EPC2: variants seen among roughly 807,000 people sequenced by gnomAD.
The protein encoded by EPC2 is enhancer of polycomb homolog 2.
A neutral mutation model predicts 92.1 loss-of-function variants in EPC2; 14 were observed. The ratio of observed to expected loss-of-function variants is 0.15; its 90% CI spans 0.10 to 0.24. The LOEUF is 0.24. Among genes scored for constraint, EPC2 ranks in the 10% least tolerant of loss-of-function variants. The pLI is 1.00. For missense variants in EPC2, 755 were observed against 971.5 expected (o/e 0.78, Z 2.96); for synonymous variants, 340 against 334.7 (o/e 1.02, Z -0.17).
At chr2:148,709,505 A>G (rs141610167) in intron 2 of EPC2, among the ~76,000 whole-genome samples, 3,553 of 152,346 alleles carry the variant, frequency 0.023, 48 homozygotes, top group East Asian at 0.032. Flanking sequence ...TTTAAAGTTC[A>G]TATGGAACCA....
At chr2:148,714,408 A>G (rs536031374) in intron 2 of EPC2, among the ~76,000 whole-genome samples, 5 of 152,266 alleles carry the variant, frequency 3.3e-5, no homozygotes, top group Admixed American at 3.3e-4. Flanking sequence ...AATGATTTAT[A>G]TTCCTTTGGG....
Position 148,645,156 on chromosome 2 carries a change from A to G in EPC2, c.139A>G (p.Lys47Glu), listed in dbSNP as rs774648253. Residue 47 changes from lysine (K) to glutamate (E), a missense_variant, in exon 1 of 14, where the codon AAG (lysine) becomes GAG (glutamate). Lys to Glu is a moderately conservative substitution (Grantham distance 56). Transcript: ENST00000258484. ...AVPQMPTGME[K>E]EEESEHHLQR... Reference sequence around the variant, plus strand: ...GCCCCAGATGCCCACCGGGATGGAGAAGGAGGAGGAATCGGTAGGGACTCG... The same window carrying G: ...GCCCCAGATGCCCACCGGGATGGAGGAGGAGGAGGAATCGGTAGGGACTCG... 6.8e-6 allele frequency: 11 copies of G among 1,608,420 alleles called. No individual in the cohort carries two copies. Among genetic ancestry groups the G allele is most frequent in the East Asian group, 2.2e-5 (1 of 44,512 alleles).
At chr2:148,767,040 G>A (rs1002547494) in intron 7 of EPC2, among the ~76,000 whole-genome samples, 8 of 151,770 alleles carry the variant, frequency 5.3e-5, no homozygotes, top group African/African-American at 1.9e-4. Flanking sequence ...AGAAACAAAC[G>A]TAGAAAAATT....
At chr2:148,677,407 G>T (rs759693844) in intron 1 of EPC2, among the ~76,000 whole-genome samples, 2 of 152,162 alleles carry the variant, frequency 1.3e-5, no homozygotes, top group East Asian at 3.9e-4. Context: ...CAGCATGCTG[G>T]CTCATGCTTG....
At chr2:148,743,580 A>C in intron 2 of EPC2, 42 bp from the exon 3 acceptor site, 1 of 1,453,774 alleles carries the variant, frequency 6.9e-7, no homozygotes, top group South Asian at 1.5e-5. Flanking sequence ...GTATAATTTC[A>C]TAATTTCTCC....
At chr2:148,771,506 C>G in intron 10 of EPC2, 119 bp downstream of exon 10, 1 of 933,966 alleles carries the variant, frequency 1.1e-6, no homozygotes, top group Admixed American at 2.8e-5. Flanking sequence ...CAAAATTGTT[C>G]TGTTCTGTCT....
intron 7 of EPC2, among the ~76,000 whole-genome samples, chr2:148,767,632 A>G (rs1335158305): frequency 6.6e-6 from 1 of 152,196 alleles, no homozygotes; most frequent in East Asian, 1.9e-4. Context: ...ATAAACCAAG[A>G]ACAAGGAATA....
chr2:148,711,799 T>G (rs1682148837), intron 2 of EPC2, among the ~76,000 whole-genome samples: 1 of 152,238 alleles, frequency 6.6e-6, no homozygotes, highest in Non-Finnish European at 1.5e-5. Flanking sequence ...GATTGTTATA[T>G]CTTCTTGGAG....
intron 4 of EPC2, among the ~76,000 whole-genome samples, chr2:148,755,836 C>T (rs1683178846): frequency 6.6e-6 from 1 of 152,230 alleles, no homozygotes; most frequent in South Asian, 2.1e-4. Context: ...AAGCTGTCCT[C>T]CCGCCTTGGC....
In EPC2 at chr2:148,761,769, T is replaced by C. The variant is rs1473070959; in HGVS notation, c.667-13T>C. ...TGTGTTGTTTATTCTTCTAAAATTA[T>C]TATTTTTAATAGAATCGTAAGAATG... On this transcript the variant is annotated splice_polypyrimidine_tract_variant and intron_variant, in intron 4 of 13. Coordinates refer to ENST00000258484, the MANE Select transcript of EPC2 (RefSeq NM_015630.4). 3 of 1,456,386 alleles carry C rather than the reference T, an allele frequency of 2.1e-6. No individual in the cohort carries two copies. The highest frequency in any genetic ancestry group is 2.8e-5 in the South Asian group (2 of 71,366). 90.2% of individuals were successfully genotyped at this position (1,456,386 alleles called of 1,614,324 possible). A position where few individuals can be genotyped will look rare whatever the true frequency, so the allele number is the denominator to read the frequency against.
At chr2:148,719,993 A>G (rs1036073082) in intron 2 of EPC2, among the ~76,000 whole-genome samples, 1 of 151,820 alleles carries the variant, frequency 6.6e-6, no homozygotes, top group African/African-American at 2.4e-5. Flanking sequence ...GGGGGTCCTG[A>G]TTACAGAATC....
intron 2 of EPC2, among the ~76,000 whole-genome samples, chr2:148,724,751 T>A (rs1682459066): frequency 6.6e-6 from 1 of 152,108 alleles, no homozygotes; most frequent in Non-Finnish European, 1.5e-5. Context: ...TTCTAGTGAA[T>A]TTTTAGTCAT....
chr2:148,741,612 T>C (rs961141729), intron 2 of EPC2, among the ~76,000 whole-genome samples: 4 of 152,168 alleles, frequency 2.6e-5, no homozygotes, highest in African/African-American at 9.6e-5. Flanking sequence ...GTGGTATGAA[T>C]GTAGGATATT....
intron 1 of EPC2, among the ~76,000 whole-genome samples, chr2:148,679,074 ATATAT>A (rs1198137345): frequency 1.3e-5 from 2 of 152,232 alleles, no homozygotes; most frequent in Non-Finnish European, 2.9e-5. Flanking sequence ...TTGAATCCTC[ATATAT>A]TAAAGATGTA....
chr2:148,734,730 A>C (rs145121487), intron 2 of EPC2, among the ~76,000 whole-genome samples: 21 of 151,502 alleles, frequency 1.4e-4, no homozygotes, highest in Admixed American at 1.1e-3. Flanking sequence ...ATCCATCTCT[A>C]TTATTTTGTC....
At chr2:148,717,319 T>C (rs1682281384) in intron 2 of EPC2, among the ~76,000 whole-genome samples, 1 of 152,076 alleles carries the variant, frequency 6.6e-6, no homozygotes, top group South Asian at 2.1e-4. Flanking sequence ...TCTAGTTCTT[T>C]TAGCTGTGTT....
chr2:148,720,729 G>C (rs1169715025), intron 2 of EPC2, among the ~76,000 whole-genome samples: 1 of 152,182 alleles, frequency 6.6e-6, no homozygotes, highest in East Asian at 1.9e-4. Flanking sequence ...CTTGGCTGGG[G>C]ATGGGGGTTT....
chr2:148,733,647 C>T (rs747237303), intron 2 of EPC2, among the ~76,000 whole-genome samples: 211 of 151,708 alleles, frequency 1.4e-3, no homozygotes, highest in Non-Finnish European at 2.4e-3. Flanking sequence ...ACAGGCTTAA[C>T]GCCACTGCCC....
chr2:148,751,563 A>G (rs1300997445), intron 3 of EPC2, among the ~76,000 whole-genome samples: 1 of 152,086 alleles, frequency 6.6e-6, no homozygotes, highest in African/African-American at 2.4e-5. Flanking sequence ...TATGCTGTCC[A>G]GACTGGACTT....
Sources: allele counts gnomAD v4.1 joint callset (sites outside exome capture counted in the v4.1 genomes callset), GRCh38; gene constraint gnomAD v4.1.1; transcripts MANE v1.5; gene names NCBI Gene and HGNC (gene_info 2026-07-23, HGNC 2026-07-21).